The following VPS13B variants were observed in gnomAD, a reference collection of about 807,000 sequenced individuals.
The protein encoded by VPS13B is vacuolar protein sorting 13 homolog B.
In VPS13B, 285 loss-of-function variants were observed where a neutral mutation model predicts 426.4. That is an observed-to-expected ratio of 0.67 (90% CI 0.61 to 0.74). The LOEUF (loss-of-function observed/expected upper bound fraction) is 0.74, where lower values mean the gene tolerates loss of function less well. VPS13B is among the 30% of genes least tolerant of loss of function. The pLI, the probability that VPS13B is intolerant of heterozygous loss-of-function variation, is 0.00. For synonymous variants in VPS13B, 1,676 were observed against 1,676.4 expected, an observed-to-expected ratio of 1.00 and a Z score of 0.01; for missense variants, 4,537 against 4,782.6, an observed-to-expected ratio of 0.95 and a Z score of 1.51.
intron 19 of VPS13B, among the ~76,000 whole-genome samples, chr8:99,362,633 T>C (rs1456454250): frequency 6.6e-6 from 1 of 152,176 alleles, no homozygotes. Flanking sequence ...AAAGTGTCTT[T>C]CCTAAAACCC....
At chr8:99,341,163 G>T in intron 19 of VPS13B, 1 of 248,070 alleles carries the variant, frequency 4.0e-6, no homozygotes, top group Non-Finnish European at 8.1e-6. Context: ...ATGTTGGTGT[G>T]CCGCATAGTG....
intron 17 of VPS13B, among the ~76,000 whole-genome samples, chr8:99,219,455 T>A (rs1481239211): frequency 6.6e-6 from 1 of 152,222 alleles, no homozygotes; most frequent in African/African-American, 2.4e-5. Context: ...CCAAGGGATG[T>A]GTCTTGCTAT....
intron 19 of VPS13B, among the ~76,000 whole-genome samples, chr8:99,336,754 A>G (rs1810902105): frequency 6.6e-6 from 1 of 152,262 alleles, no homozygotes. Context: ...TAAAAAACAC[A>G]TGAAAAAATG....
intron 15 of VPS13B, among the ~76,000 whole-genome samples, chr8:99,161,341 A>G (rs1811638091): frequency 6.6e-6 from 1 of 152,220 alleles, no homozygotes; most frequent in South Asian, 2.1e-4. Context: ...CAGTCAACAT[A>G]AAACATTGAC....
chr8:99,184,811 C>T (rs766849761), intron 16 of VPS13B, among the ~76,000 whole-genome samples: 3 of 151,842 alleles, frequency 2.0e-5, no homozygotes, highest in African/African-American at 4.8e-5. Flanking sequence ...GCCAACATGG[C>T]GAAACCCCGT....
At chr8:99,172,701 A>C (rs1000683362) in intron 16 of VPS13B, among the ~76,000 whole-genome samples, 1 of 152,182 alleles carries the variant, frequency 6.6e-6, no homozygotes, top group Non-Finnish European at 1.5e-5. Flanking sequence ...AAGGCTAGCT[A>C]ATAAATCTGA....
intron 21 of VPS13B, among the ~76,000 whole-genome samples, chr8:99,416,864 GC>G (rs1248079336): frequency 6.6e-6 from 1 of 152,098 alleles, no homozygotes; most frequent in Non-Finnish European, 1.5e-5. Flanking sequence ...TTCCTATTCG[GC>G]CATCTTGCCA....
intron 17 of VPS13B, among the ~76,000 whole-genome samples, chr8:99,227,584 CTTTTTT>C (rs924247081): frequency 6.6e-6 from 1 of 151,472 alleles, no homozygotes; most frequent in Non-Finnish European, 1.5e-5. Flanking sequence ...AAATGAGGTG[CTTTTTT>C]TTGGAAAATA....
intron 34 of VPS13B, among the ~76,000 whole-genome samples, chr8:99,652,184 A>G (rs563655185): frequency 3.9e-5 from 6 of 152,224 alleles, no homozygotes; most frequent in Middle Eastern, 3.4e-3. Flanking sequence ...ATGGAGTCCT[A>G]TGAGAGCTCA....
At chr8:99,098,582 A>G (rs909882080) in intron 4 of VPS13B, among the ~76,000 whole-genome samples, 4 of 152,256 alleles carry the variant, frequency 2.6e-5, no homozygotes, top group South Asian at 4.1e-4. Context: ...TAGCAAACAT[A>G]TGTAGGTAAG....
At chr8:99,757,124 A>G (rs1810677921) in intron 39 of VPS13B, among the ~76,000 whole-genome samples, 1 of 152,228 alleles carries the variant, frequency 6.6e-6, no homozygotes, top group Admixed American at 6.5e-5. Flanking sequence ...ATGATGGTAG[A>G]TATATAGCTG....
intron 29 of VPS13B, among the ~76,000 whole-genome samples, chr8:99,519,927 G>C (rs1415730080): frequency 6.6e-6 from 1 of 152,096 alleles, no homozygotes; most frequent in African/African-American, 2.4e-5. Flanking sequence ...TTGTGCACAT[G>C]TACCCTAGAA....
intron 39 of VPS13B, among the ~76,000 whole-genome samples, chr8:99,741,656 C>T (rs1809730827): frequency 6.6e-6 from 1 of 152,190 alleles, no homozygotes; most frequent in Non-Finnish European, 1.5e-5. Flanking sequence ...AACTAGAACT[C>T]AGGATTAAGA....
At chr8:99,044,695 T>C (rs1244204581) in intron 3 of VPS13B, among the ~76,000 whole-genome samples, 1 of 152,160 alleles carries the variant, frequency 6.6e-6, no homozygotes, top group African/African-American at 2.4e-5. Context: ...TTCCTTTGCA[T>C]CCTCATAGCT....
chr8:99,212,918 A>G (rs1288386639), intron 17 of VPS13B, among the ~76,000 whole-genome samples: 1 of 152,148 alleles, frequency 6.6e-6, no homozygotes, highest in African/African-American at 2.4e-5. Flanking sequence ...ACGCTTTCAT[A>G]TGCCTGTTTT....
chr8:99,131,841 C>T (rs1809820673), intron 8 of VPS13B, among the ~76,000 whole-genome samples: 1 of 152,066 alleles, frequency 6.6e-6, no homozygotes, highest in Non-Finnish European at 1.5e-5. Flanking sequence ...TTGACTCTTC[C>T]TTTCATGGAA....
intron 2 of VPS13B, among the ~76,000 whole-genome samples, chr8:99,019,390 G>T (rs1471194293): frequency 6.6e-6 from 1 of 151,922 alleles, no homozygotes; most frequent in Non-Finnish European, 1.5e-5. Flanking sequence ...TGTATTTTTA[G>T]TAGCGATTGG....
At chr8:99,535,853 T>G (rs1314054399) in intron 30 of VPS13B, among the ~76,000 whole-genome samples, 3 of 152,220 alleles carry the variant, frequency 2.0e-5, no homozygotes, top group African/African-American at 7.2e-5. Context: ...GTGAAAACTT[T>G]TATCTCAACA....
At chr8:99,663,282 G>A (rs1830314343) in intron 35 of VPS13B, among the ~76,000 whole-genome samples, 1 of 152,112 alleles carries the variant, frequency 6.6e-6, no homozygotes, top group Non-Finnish European at 1.5e-5. Context: ...TTTGTCACTG[G>A]GGACGAATTC....
Sources: gnomAD v4.1 joint callset for allele counts (sites outside exome capture counted in the v4.1 genomes callset) on GRCh38, gnomAD v4.1.1 for gene constraint, MANE v1.5 for transcripts, NCBI Gene and HGNC (gene_info 2026-07-23, HGNC 2026-07-21) for gene names.